MDGA2: variants seen among roughly 807,000 people sequenced by gnomAD.
The protein encoded by MDGA2 is MAM domain containing glycosylphosphatidylinositol anchor 2.
MDGA2 carries 40 observed loss-of-function variants against 117.8 expected under a neutral mutation model. That is an observed-to-expected ratio of 0.34 (90% confidence interval 0.26 to 0.44). MDGA2 has a LOEUF of 0.44. Among genes scored for constraint, MDGA2 ranks in the 20% least tolerant of loss-of-function variants. The pLI, the probability that MDGA2 is intolerant of heterozygous loss-of-function variation, is 1.00. For missense variants in MDGA2, 1,123 were observed against 1,250.6 expected, an observed-to-expected ratio of 0.90 and a Z score of 1.54; for synonymous variants, 452 against 439.0, an observed-to-expected ratio of 1.03 and a Z score of -0.37.
intron 2 of MDGA2, among the ~76,000 whole-genome samples, chr14:47,234,335 T>C (rs10873005): frequency 0.56 from 84,589 of 151,326 alleles, 24,261 homozygotes; most frequent in Admixed American, 0.69. Context: ...GTATACAAAA[T>C]ACCATAAGGT....
chr14:46,853,034 T>C (rs1881124645), intron 15 of MDGA2, among the ~76,000 whole-genome samples: 1 of 151,918 alleles, frequency 6.6e-6, no homozygotes, highest in Admixed American at 6.6e-5. Context: ...TATACAGATA[T>C]TAGCAATAGC....
At chr14:47,139,107 T>C (rs2139182823) in intron 4 of MDGA2, among the ~76,000 whole-genome samples, 1 of 152,216 alleles carries the variant, frequency 6.6e-6, no homozygotes, top group Admixed American at 6.5e-5. Context: ...CAAGACATTA[T>C]TATTAAATAA....
chr14:46,918,760 CTTTTT>C (rs34958634), intron 10 of MDGA2, among the ~76,000 whole-genome samples: 142 of 124,802 alleles, frequency 1.1e-3, no homozygotes, highest in Non-Finnish European at 1.9e-3. Flanking sequence ...TACAGTGTAT[CTTTTT>C]TTTTTTTTTT....
At chr14:47,072,470 T>G (rs1314795857) in intron 6 of MDGA2, among the ~76,000 whole-genome samples, 1 of 152,192 alleles carries the variant, frequency 6.6e-6, no homozygotes, top group Non-Finnish European at 1.5e-5. Flanking sequence ...CTAAATTCAT[T>G]CTTAAGGAAA....
chr14:47,124,139 G>A (rs148201563), intron 5 of MDGA2, among the ~76,000 whole-genome samples: 18 of 152,026 alleles, frequency 1.2e-4, no homozygotes, highest in East Asian at 3.9e-4. Flanking sequence ...ATATTTTAGC[G>A]CATGAAAGGT....
chr14:47,362,356 C>T (rs1052957088), intron 1 of MDGA2, among the ~76,000 whole-genome samples: 4 of 152,016 alleles, frequency 2.6e-5, no homozygotes, highest in Non-Finnish European at 4.4e-5. Flanking sequence ...TGTATATCTA[C>T]AGTAACACAT....
intron 1 of MDGA2, among the ~76,000 whole-genome samples, chr14:47,369,770 CA>C (rs1891305611): frequency 1.3e-5 from 2 of 151,800 alleles, no homozygotes; most frequent in East Asian, 1.9e-4. Flanking sequence ...AATGATTAAT[CA>C]TTAAAAAGTT....
At position 46,855,202 on chromosome 14, in the gene MDGA2, A is replaced by T; in HGVS notation, c.2753-48T>A. The stretch of plus-strand genomic sequence containing the variant: ...ATTTTGCATATTCATTTTCACCTCA[A>T]ATTTGTTTTTCCTTGACCAAACACT... On this transcript the variant is annotated intron_variant, in intron 14 of 16. Transcript: ENST00000399232. The surrounding 1 kb of genome is among the most constrained non-coding windows in gnomAD (Gnocchi z 4.1). The T allele has an allele frequency of 6.4e-7, 1 of 1,551,226 alleles. No individual in the cohort carries two copies. Among genetic ancestry groups the T allele is most frequent in the Non-Finnish European group, 8.7e-7 (1 of 1,144,780 alleles).
At chr14:47,264,978 G>T (rs1360286427) in intron 2 of MDGA2, among the ~76,000 whole-genome samples, 4 of 151,974 alleles carry the variant, frequency 2.6e-5, no homozygotes, top group Non-Finnish European at 5.9e-5. Context: ...GCTGTAAAAA[G>T]GTACCTATGT....
chr14:47,459,727 T>C (rs886443815), intron 1 of MDGA2, among the ~76,000 whole-genome samples: 1 of 152,162 alleles, frequency 6.6e-6, no homozygotes, highest in Admixed American at 6.6e-5. Flanking sequence ...CTGCATTTTC[T>C]TTCATTATTC....
At chr14:47,484,624 G>T (rs1894020382) in intron 1 of MDGA2, among the ~76,000 whole-genome samples, 2 of 152,116 alleles carry the variant, frequency 1.3e-5, no homozygotes, top group Admixed American at 1.3e-4. Context: ...ACAGTGATAT[G>T]GTTTGCATCT....
chr14:47,209,274 T>G (rs896022480), intron 3 of MDGA2, among the ~76,000 whole-genome samples: 3 of 151,948 alleles, frequency 2.0e-5, no homozygotes, highest in Non-Finnish European at 4.4e-5. Context: ...TCGAGTAGAG[T>G]GGTTTTCATA....
intron 1 of MDGA2, among the ~76,000 whole-genome samples, chr14:47,435,538 A>C (rs1289361327): frequency 6.6e-6 from 1 of 152,096 alleles, no homozygotes; most frequent in Non-Finnish European, 1.5e-5. Context: ...CTCAACCCAC[A>C]TTTTAACCAC....
At chr14:47,623,337 T>C (rs1288012598) in intron 1 of MDGA2, among the ~76,000 whole-genome samples, 2 of 152,162 alleles carry the variant, frequency 1.3e-5, no homozygotes, top group African/African-American at 4.8e-5. Context: ...GATATTCCAT[T>C]GCAGCAACAA....
intron 6 of MDGA2, among the ~76,000 whole-genome samples, chr14:47,077,263 G>T (rs951881751): frequency 1.3e-5 from 2 of 151,912 alleles, no homozygotes; most frequent in African/African-American, 4.8e-5. Context: ...TTTCGTTTTG[G>T]TCATTTTCTT....
chr14:47,026,183 A>T (rs1888467064), intron 8 of MDGA2, among the ~76,000 whole-genome samples: 1 of 152,206 alleles, frequency 6.6e-6, no homozygotes, highest in Admixed American at 6.5e-5. Flanking sequence ...ACAACATATA[A>T]GCTAAAATTC....
rs1210361133 is a variant in MDGA2, at chr14:47,506,810, G to A, written c.280+167707C>T. Among the ~76,000 whole-genome samples the A allele has an allele frequency of 3.9e-5, 6 of 152,148 alleles. No individual in the cohort carries two copies. The South Asian group carries it at 1.2e-3, about 32-fold the overall frequency. ...CGGGAGGATCATTTGAGGTCAGAAG[G>A]TGTGAAGTCAAACAAAGGATGGAAC... On this transcript the variant is annotated intron_variant, in intron 1 of 16. Coordinates refer to ENST00000399232, the MANE Select transcript of MDGA2 (RefSeq NM_001113498.3).
intron 1 of MDGA2, among the ~76,000 whole-genome samples, chr14:47,450,126 C>T (rs893997799): frequency 2.6e-5 from 4 of 151,884 alleles, no homozygotes; most frequent in African/African-American, 9.7e-5. Flanking sequence ...TAATATCTAT[C>T]TTCATTTGAA....
intron 8 of MDGA2, among the ~76,000 whole-genome samples, chr14:46,993,343 G>T (rs1887164134): frequency 6.6e-6 from 1 of 151,952 alleles, no homozygotes; most frequent in Admixed American, 6.6e-5. Flanking sequence ...AATTTAGTTT[G>T]GTTCTCAATT....
Sources: gnomAD v4.1 joint callset for allele counts (sites outside exome capture counted in the v4.1 genomes callset) on GRCh38, gnomAD v4.1.1 for gene constraint, Gnocchi (gnomAD v3.1) non-coding constraint, MANE v1.5 for transcripts, NCBI Gene and HGNC (gene_info 2026-07-23, HGNC 2026-07-21) for gene names.